Variants in SRPK2 observed in about 807,000 individuals in gnomAD.
SRPK2 encodes SFRS protein kinase 2.
In SRPK2, 21 loss-of-function variants were observed where a neutral mutation model predicts 90.8. The ratio of observed to expected loss-of-function variants is 0.23; its 90% CI spans 0.16 to 0.33. The LOEUF is 0.33. Among genes scored for constraint, SRPK2 ranks in the 10% least tolerant of loss-of-function variants. SRPK2 has a pLI of 1.00. For synonymous variants in SRPK2, 288 were observed against 311.1 expected, an observed-to-expected ratio of 0.93 and a Z score of 0.78; for missense variants, 620 against 869.0, an observed-to-expected ratio of 0.71 and a Z score of 3.60.
At chr7:105,185,373 A>C (rs1319305871) in intron 3 of SRPK2, among the ~76,000 whole-genome samples, 1 of 152,058 alleles carries the variant, frequency 6.6e-6, no homozygotes, top group Non-Finnish European at 1.5e-5. Flanking sequence ...AAAAGCCCTA[A>C]TTATCCACAT....
intron 2 of SRPK2, among the ~76,000 whole-genome samples, chr7:105,274,856 C>T (rs536054773): frequency 2.0e-5 from 3 of 151,602 alleles, no homozygotes; most frequent in Non-Finnish European, 4.4e-5. Flanking sequence ...CCAATTAAAG[C>T]CTTCTTCCTC....
intron 7 of SRPK2, among the ~76,000 whole-genome samples, chr7:105,148,568 ATTCAAACAATGAAT>A (rs1805011379): frequency 1.3e-5 from 2 of 152,250 alleles, no homozygotes; most frequent in African/African-American, 4.8e-5. Flanking sequence ...ATCAATGACC[ATTCAAACAATGAAT>A]TGAATAGGCA....
At chr7:105,364,339 A>G (rs1262609671) in intron 2 of SRPK2, among the ~76,000 whole-genome samples, 1 of 150,560 alleles carries the variant, frequency 6.6e-6, no homozygotes, top group African/African-American at 2.4e-5. Context: ...GACATTCATG[A>G]TGGTCTCTCT....
At chr7:105,154,081 C>T (rs1178396344) in intron 7 of SRPK2, among the ~76,000 whole-genome samples, 6 of 152,242 alleles carry the variant, frequency 3.9e-5, no homozygotes, top group Admixed American at 2.0e-4. Context: ...ATCCAGGGGA[C>T]GGCGTCCTTA....
chr7:105,174,042 C>T (rs1482342369), intron 3 of SRPK2, among the ~76,000 whole-genome samples: 1 of 145,346 alleles, frequency 6.9e-6, no homozygotes, highest in Non-Finnish European at 1.5e-5. Flanking sequence ...CCCAAGAGTT[C>T]GACACCAGCC....
chr7:105,354,337 G>A (rs545621673), intron 2 of SRPK2, among the ~76,000 whole-genome samples: 1 of 152,104 alleles, frequency 6.6e-6, no homozygotes, highest in Non-Finnish European at 1.5e-5. Context: ...GCTCTTGCCC[G>A]GCAGCTCATC....
At position 105,301,591 on chromosome 7, in the gene SRPK2, C is replaced by T. The variant is rs929003818; in HGVS notation, c.71+87057G>A. 2.6e-5 allele frequency: 41 copies of T among 1,601,720 alleles called. No individual in the cohort carries two copies. In the East Asian group the frequency reaches 3.8e-4, roughly 15 times the overall value. On this transcript the variant is annotated intron_variant, in intron 2 of 15. Coordinates refer to ENST00000393651, the MANE Select transcript of SRPK2 (RefSeq NM_182692.3). ...TATTTATGAAGGAGATGAAAGTTTC[C>T]GGGAATTAAGTTCAGTTTCTTTTCA...
At chr7:105,231,113 T>C (rs1410013556) in intron 2 of SRPK2, among the ~76,000 whole-genome samples, 1 of 152,176 alleles carries the variant, frequency 6.6e-6, no homozygotes, top group Non-Finnish European at 1.5e-5. Context: ...CCCCAGTGTC[T>C]GTTTCCTTCT....
At chr7:105,218,471 A>G (rs1797722074) in intron 2 of SRPK2, among the ~76,000 whole-genome samples, 1 of 152,206 alleles carries the variant, frequency 6.6e-6, no homozygotes, top group Non-Finnish European at 1.5e-5. Context: ...TACCATCTCT[A>G]ACGGGTGTCA....
intron 2 of SRPK2, among the ~76,000 whole-genome samples, chr7:105,240,548 C>A (rs1264801156): frequency 6.6e-6 from 1 of 151,836 alleles, no homozygotes; most frequent in Non-Finnish European, 1.5e-5. Context: ...TACATATAAA[C>A]CCTTCCTGGA....
At chr7:105,152,296 C>G (rs1360296164) in intron 7 of SRPK2, among the ~76,000 whole-genome samples, 1 of 151,836 alleles carries the variant, frequency 6.6e-6, no homozygotes, top group Non-Finnish European at 1.5e-5. Flanking sequence ...ATTACAGGCA[C>G]ATGTCACCAT....
chr7:105,159,448 C>CAAAAAAAAAAAAAGAAAAA (rs1807104366), intron 7 of SRPK2, among the ~76,000 whole-genome samples: 1 of 33,144 alleles, frequency 3.0e-5, no homozygotes, highest in Non-Finnish European at 6.3e-5. Flanking sequence ...ACTCCGTCTC[C>CAAAAAAAAAAAAAGAAAAA]AAAAAAAAAA....
At chr7:105,266,829 C>G (rs1396421032) in intron 2 of SRPK2, among the ~76,000 whole-genome samples, 1 of 151,992 alleles carries the variant, frequency 6.6e-6, no homozygotes, top group Middle Eastern at 3.2e-3. Context: ...TTCCTCCAAA[C>G]AAATTAAAAA....
intron 2 of SRPK2, among the ~76,000 whole-genome samples, chr7:105,302,310 T>A (rs995610971): frequency 1.3e-5 from 2 of 152,246 alleles, no homozygotes; most frequent in African/African-American, 4.8e-5. Context: ...TACAGTTTAG[T>A]ATACTTTATG....
rs554529488 is a variant in SRPK2, at chr7:105,386,845, T to C, written c.71+1803A>G. The stretch of plus-strand genomic sequence containing the variant: ...GACTAGAGCCAGTTCGTTTCATCAT[T>C]AGCTGGTGTGTTATTTTCCCCCTCA... On this transcript the variant is annotated intron_variant, in intron 2 of 15. Coordinates refer to ENST00000393651, the MANE Select transcript of SRPK2 (RefSeq NM_182692.3). 3.9e-5 allele frequency among the ~76,000 whole-genome samples: 6 copies of C among 152,332 alleles called. No homozygotes were observed. In the South Asian group the frequency reaches 1.2e-3, roughly 32 times the overall value.
intron 6 of SRPK2, among the ~76,000 whole-genome samples, chr7:105,163,296 A>C (rs1474511611): frequency 6.6e-6 from 1 of 152,212 alleles, no homozygotes; most frequent in Non-Finnish European, 1.5e-5. Flanking sequence ...ATGAATTCTA[A>C]AATCAAAGCA....
At chr7:105,149,921 T>G (rs1185521462) in intron 7 of SRPK2, among the ~76,000 whole-genome samples, 8 of 152,186 alleles carry the variant, frequency 5.3e-5, no homozygotes, top group Non-Finnish European at 1.0e-4. Flanking sequence ...TGAGCTCCTA[T>G]CACATGCCAT....
chr7:105,286,082 C>T (rs898235426), intron 2 of SRPK2, among the ~76,000 whole-genome samples: 1 of 152,190 alleles, frequency 6.6e-6, no homozygotes, highest in African/African-American at 2.4e-5. Flanking sequence ...AAAGGCTAAG[C>T]AATTTGTCAA....
In SRPK2 at chr7:105,376,882, T is replaced by TACACAC. The variant is rs34080086; in HGVS notation, c.71+11760_71+11765dup. ...TTAATAAAAAGCACCTTTTCTCCTT[T>TACACAC]ACACACACACACACACACACACACA... On this transcript the variant is annotated intron_variant, in intron 2 of 15. Transcript: ENST00000393651. 5.3e-3 allele frequency among the ~76,000 whole-genome samples: 644 copies of TACACAC among 121,012 alleles called. 4 individuals carry two copies. The highest frequency in any genetic ancestry group is 1.0e-2 in the African/African-American group (310 of 31,060). The allele number at this position is 121,012 out of a possible 152,430, so 79.4% of individuals were successfully genotyped here. A position where few individuals can be genotyped will look rare whatever the true frequency, so the allele number is the denominator to read the frequency against.
Sources: allele counts gnomAD v4.1 joint callset (sites outside exome capture counted in the v4.1 genomes callset), GRCh38; gene constraint gnomAD v4.1.1; transcripts MANE v1.5; gene names NCBI Gene and HGNC (gene_info 2026-07-23, HGNC 2026-07-21).